The following PIGK variants were observed in gnomAD, a reference collection of about 807,000 sequenced individuals.
PIGK encodes phosphatidylinositol glycan anchor biosynthesis class K.
PIGK carries 42 observed loss-of-function variants against 50.6 expected under a neutral mutation model. That is an observed-to-expected ratio of 0.83 (90% CI 0.65 to 1.07). The LOEUF (loss-of-function observed/expected upper bound fraction) is 1.07, where lower values mean the gene tolerates loss of function less well. Ranked by LOEUF, PIGK falls within the 50% of genes least tolerant of loss-of-function variation. The pLI is 0.00. For synonymous variants in PIGK, 151 were observed against 156.0 expected, an observed-to-expected ratio of 0.97 and a Z score of 0.24; for missense variants, 448 against 488.7, an observed-to-expected ratio of 0.92 and a Z score of 0.78.
intron 1 of PIGK, among the ~76,000 whole-genome samples, chr1:77,213,638 T>C (rs1179943089): frequency 6.6e-6 from 1 of 151,526 alleles, no homozygotes; most frequent in African/African-American, 2.4e-5. Context: ...ATAACACATC[T>C]CAAGGTACTA....
At chr1:77,141,769 C>A (rs1212353800) in intron 9 of PIGK, among the ~76,000 whole-genome samples, 2 of 152,022 alleles carry the variant, frequency 1.3e-5, no homozygotes, top group South Asian at 2.1e-4. Flanking sequence ...TAAAAGCTCA[C>A]AAAAATAACC....
intron 9 of PIGK, among the ~76,000 whole-genome samples, chr1:77,145,651 T>G: frequency 6.6e-6 from 1 of 152,020 alleles, no homozygotes; most frequent in East Asian, 1.9e-4. Flanking sequence ...AAAATCCCAG[T>G]AGGCTTTTAT....
At chr1:77,146,754 G>A (rs898905255) in intron 9 of PIGK, among the ~76,000 whole-genome samples, 5 of 151,986 alleles carry the variant, frequency 3.3e-5, no homozygotes, top group Middle Eastern at 3.4e-3. Flanking sequence ...CCAAGATTGT[G>A]CCACTGCACT....
chr1:77,172,913 G>A (rs1655400610), intron 3 of PIGK, among the ~76,000 whole-genome samples: 1 of 152,162 alleles, frequency 6.6e-6, no homozygotes. Context: ...GACAGAGCGA[G>A]ACTCCGCCTC....
intron 10 of PIGK, among the ~76,000 whole-genome samples, chr1:77,096,637 C>T (rs1045018711): frequency 9.9e-5 from 15 of 152,174 alleles, no homozygotes; most frequent in African/African-American, 2.4e-4. Flanking sequence ...AGACTCATGA[C>T]GGAGCCTAAC....
intron 10 of PIGK, among the ~76,000 whole-genome samples, chr1:77,120,738 A>G (rs1654078558): frequency 6.6e-6 from 1 of 152,228 alleles, no homozygotes; most frequent in African/African-American, 2.4e-5. Flanking sequence ...TTTATTCAAT[A>G]AAAATAAAAT....
At chr1:77,157,681 A>G (rs1014193833) in intron 8 of PIGK, among the ~76,000 whole-genome samples, 1 of 152,224 alleles carries the variant, frequency 6.6e-6, no homozygotes, top group Non-Finnish European at 1.5e-5. Context: ...TATAATCTTC[A>G]AAACGAAGTT....
intron 10 of PIGK, among the ~76,000 whole-genome samples, chr1:77,120,447 T>C (rs1225385630): frequency 1.3e-5 from 2 of 152,130 alleles, no homozygotes; most frequent in Non-Finnish European, 2.9e-5. Context: ...CCTGAACTCC[T>C]GGGCTCAAGT....
At chr1:77,153,679 G>A (rs1050081375) in intron 9 of PIGK, 3 of 151,906 alleles carry the variant, frequency 2.0e-5, no homozygotes, top group African/African-American at 7.3e-5. Context: ...AAAGCATCTT[G>A]TGCCAGTGTT....
rs572799393 is a variant in PIGK, at chr1:77,089,636, G to C, written c.*2738C>G. On this transcript the variant is annotated 3_prime_UTR_variant, in exon 11 of 11. Transcript: ENST00000370812. ...AGAAACAAGCTGAGTTATGCTTCTT[G>C]TGGGAATCATCATTTTCAACTAGCT... The C allele has an allele frequency of 1.3e-5, 2 of 152,562 alleles. No individual in the cohort carries two copies. The highest frequency in any genetic ancestry group is 6.5e-5 in the Admixed American group (1 of 15,268). The allele number at this position is 152,562 out of a possible 1,614,324, so 9.5% of individuals were successfully genotyped here.
chr1:77,144,934 G>A (rs839799), intron 9 of PIGK, among the ~76,000 whole-genome samples: 29,312 of 151,776 alleles, frequency 0.19, 3,651 homozygotes, highest in African/African-American at 0.35. Context: ...ATAAAATGCT[G>A]AGATAATGTG....
chr1:77,126,772 A>T (rs1287658471), intron 9 of PIGK, among the ~76,000 whole-genome samples: 1 of 152,188 alleles, frequency 6.6e-6, no homozygotes, highest in Non-Finnish European at 1.5e-5. Context: ...TTCAATTTAC[A>T]TGTGGCAGCC....
rs200408095 is a variant in PIGK at position 77,219,297 on chromosome 1, G to A, written c.93+13C>T. ...CGGCCTCCCGGCTGTGGTCAAATGAGCCTGACTCCTACCTCGATATGACTA... is the reference window on the plus strand; with the variant it reads ...CGGCCTCCCGGCTGTGGTCAAATGAACCTGACTCCTACCTCGATATGACTA... On this transcript the variant is annotated intron_variant, in intron 1 of 10. Transcript: ENST00000370812. 1.2e-4 allele frequency: 189 copies of A among 1,609,830 alleles called. 2 individuals carry two copies. In the East Asian group the frequency reaches 3.5e-3, roughly 29 times the overall value.
chr1:77,105,584 A>G (rs1464707433), intron 10 of PIGK, among the ~76,000 whole-genome samples: 2 of 152,066 alleles, frequency 1.3e-5, no homozygotes, highest in Non-Finnish European at 2.9e-5. Context: ...ACACAAAGGG[A>G]CAGCTTAATC....
rs1359554433 is a variant in PIGK at position 77,154,496 on chromosome 1, T to G, written c.939A>C (p.Thr313=). ...CCTGTTGCAATTTAATAGTCTCTGT[T>G]GTAATTTCCACTTTCCGTACACTTC... ...FFGSVRKVEI[T]TETIKLQQDS... is the part of the protein sequence containing the mutation. Residue 313 remains threonine (T), a synonymous_variant, in exon 9 of 11, where the codon ACA becomes ACC. Coordinates refer to ENST00000370812, the MANE Select transcript of PIGK (RefSeq NM_005482.3). 6.2e-7 allele frequency: 1 copy of G among 1,612,206 alleles called. No homozygotes were observed. Among genetic ancestry groups the G allele is most frequent in the Non-Finnish European group, 8.5e-7 (1 of 1,178,820 alleles).
chr1:77,093,466 A>G (rs1653341834), intron 10 of PIGK, among the ~76,000 whole-genome samples: 1 of 152,144 alleles, frequency 6.6e-6, no homozygotes, highest in South Asian at 2.1e-4. Flanking sequence ...TTTAGACAAT[A>G]GGGGAGAGAA....
chr1:77,142,569 G>A (rs1654671543), intron 9 of PIGK, among the ~76,000 whole-genome samples: 1 of 152,122 alleles, frequency 6.6e-6, no homozygotes, highest in African/African-American at 2.4e-5. Flanking sequence ...CATTTTAATT[G>A]ACTCACACTT....
chr1:77,193,543 T>C (rs903567190), intron 3 of PIGK, among the ~76,000 whole-genome samples: 7 of 152,178 alleles, frequency 4.6e-5, no homozygotes, highest in African/African-American at 1.4e-4. Flanking sequence ...AGTCCAGTTG[T>C]AGTCATCTAA....
In PIGK at chr1:77,210,445, C is replaced by G; in HGVS notation, c.138G>C (p.Trp46Cys). Reference protein sequence around the residue: ...QFFRSGHTNNWAVLVCTSRFW... With the variant: ...QFFRSGHTNNCAVLVCTSRFW... ...TTTACAGTATACTTACCAGAACAGC[C>G]CAGTTGTTTGTATGGCCACTTCTAA... Residue 46 changes from tryptophan to cysteine, a missense_variant, in exon 2 of 11, where the codon TGG becomes TGC. Coordinates refer to ENST00000370812, the MANE Select transcript of PIGK (RefSeq NM_005482.3). 1 of 1,592,210 alleles carries G rather than the reference C, an allele frequency of 6.3e-7. No individual in the cohort carries two copies. The highest frequency in any genetic ancestry group is 8.6e-7 in the Non-Finnish European group (1 of 1,165,572).
Sources: gnomAD v4.1 joint callset for allele counts (sites outside exome capture counted in the v4.1 genomes callset) on GRCh38, gnomAD v4.1.1 for gene constraint, MANE v1.5 for transcripts, NCBI Gene and HGNC (gene_info 2026-07-23, HGNC 2026-07-21) for gene names.